ADCY6: variants seen among roughly 807,000 people sequenced by gnomAD.
ADCY6 encodes the protein adenylate cyclase 6.
ADCY6 carries 59 observed loss-of-function variants against 111.6 expected under a neutral mutation model. The ratio of observed to expected loss-of-function variants is 0.53; its 90% CI spans 0.43 to 0.66. The LOEUF (loss-of-function observed/expected upper bound fraction) is 0.66, where lower values mean the gene tolerates loss of function less well. Among genes scored for constraint, ADCY6 ranks in the 30% least tolerant of loss-of-function variants. The pLI is 0.00. For missense variants in ADCY6, 1,242 were observed against 1,595.6 expected, an observed-to-expected ratio of 0.78 and a Z score of 3.78; for synonymous variants, 576 against 642.9, an observed-to-expected ratio of 0.90 and a Z score of 1.57.
rs1941628440 is a variant in ADCY6 at position 48,774,109 on chromosome 12, G to A, written c.2284-11C>T. 9 of 1,602,464 alleles carry A rather than the reference G, an allele frequency of 5.6e-6. No individual in the cohort carries two copies. The highest frequency in any genetic ancestry group is 7.7e-6 in the Non-Finnish European group (9 of 1,173,672). ...GTGGTTACAGGTGAACTGCAAAAGT[G>A]GAGGGGTATATCAGGGTAACCAAGG... On this transcript the variant is annotated splice_polypyrimidine_tract_variant and intron_variant, in intron 14 of 21. Transcript: ENST00000357869.
At position 48,780,597 on chromosome 12, in the gene ADCY6, C is replaced by A. The variant is rs182610622; in HGVS notation, c.864+1974G>T. ...CCTGGGGAGACGGGCACAGTCCTGG[C>A]CTCCCTGGGACTGCACCTCCCCAGT... On this transcript the variant is annotated intron_variant, in intron 2 of 21. Coordinates refer to ENST00000357869, the MANE Select transcript of ADCY6 (RefSeq NM_015270.5). 8.7e-4 allele frequency among the ~76,000 whole-genome samples: 133 copies of A among 152,320 alleles called. 1 individual carries two copies. The highest frequency in any genetic ancestry group is 3.0e-3 in the African/African-American group (125 of 41,554).
chr12:48,787,014 C>A (rs889893485), intron 1 of ADCY6, among the ~76,000 whole-genome samples: 2 of 152,208 alleles, frequency 1.3e-5, no homozygotes, highest in East Asian at 1.9e-4. Flanking sequence ...AAACCCAAAC[C>A]TCTGTCATCG....
rs1262682173 is a variant in ADCY6, at chr12:48,778,044, TCCA to T, written c.1014+61_1014+63del. ...GCACGGAACTGGACAAGGCAGCAGA[TCCA>T]ATGTGCAAGTTATTTGGGGGTAAGG... On this transcript the variant is annotated intron_variant, in intron 3 of 21. Transcript: ENST00000357869. The T allele has an allele frequency of 2.1e-5, 33 of 1,550,158 alleles. No homozygotes were observed. In the Admixed American group the frequency reaches 3.7e-4, roughly 17 times the overall value.
chr12:48,784,665 G>GTTGTTTTTTTTT (rs1941942783), intron 1 of ADCY6, among the ~76,000 whole-genome samples: 1 of 72,294 alleles, frequency 1.4e-5, no homozygotes, highest in African/African-American at 6.1e-5. Flanking sequence ...AAAATCTGGA[G>GTTGTTTTTTTTT]TTTTTTTTTT....
intron 14 of ADCY6, 131 bp from the exon 15 acceptor site, chr12:48,774,229 G>A: frequency 1.9e-6 from 2 of 1,074,882 alleles, no homozygotes; most frequent in South Asian, 3.0e-5. Flanking sequence ...TACTCACTCA[G>A]GGATGACAAG....
Position 48,770,763 on chromosome 12 carries a change from T to C in ADCY6, c.3256+3A>G. Reference sequence around the variant, plus strand: ...AACCCGCCAAGCAACAAAGCCCTCTTACCAATCTTCATCTGGAAATTGTTG... The same window carrying C: ...AACCCGCCAAGCAACAAAGCCCTCTCACCAATCTTCATCTGGAAATTGTTG... On this transcript the variant is annotated splice_donor_region_variant and intron_variant, in intron 20 of 21. Coordinates refer to ENST00000357869, the MANE Select transcript of ADCY6 (RefSeq NM_015270.5). 3 of 1,613,708 alleles carry C rather than the reference T, an allele frequency of 1.9e-6. No individual in the cohort carries two copies. The highest frequency in any genetic ancestry group is 1.7e-5 in the Admixed American group (1 of 60,036).
intron 15 of ADCY6, 34 bp downstream of exon 15, chr12:48,773,906 C>T: frequency 6.2e-7 from 1 of 1,607,844 alleles, no homozygotes; most frequent in East Asian, 2.2e-5. Flanking sequence ...TGTGCCAGGA[C>T]AGCCCCCCCA....
chr12:48,784,107 G>C (rs1941927358), intron 1 of ADCY6: 1 of 154,326 alleles, frequency 6.5e-6, no homozygotes, highest in Non-Finnish European at 1.4e-5. Context: ...AGCCTGGTGT[G>C]GTGGTATGCA....
intron 1 of ADCY6, among the ~76,000 whole-genome samples, chr12:48,786,570 C>T (rs192458188): frequency 6.6e-6 from 1 of 152,242 alleles, no homozygotes; most frequent in African/African-American, 2.4e-5. Flanking sequence ...ACCATGTTGG[C>T]CAGGCTGGTC....
chr12:48,776,123 GA>G lies in ADCY6; in HGVS notation c.1678-33del. The G allele has an allele frequency of 6.2e-7, 1 of 1,613,850 alleles. No homozygotes were observed. The highest frequency in any genetic ancestry group is 1.1e-5 in the South Asian group (1 of 91,056). On this transcript the variant is annotated intron_variant, in intron 8 of 21. Transcript: ENST00000357869. The surrounding 1 kb of genome is among the most constrained non-coding windows in gnomAD (Gnocchi z 6.1). ...GGGCAGCATGGGTACAGGCTCAGAAGAGGGGCCCAGAGGAGGCCTTGGCCTG... is the reference window on the plus strand; with the variant it reads ...GGGCAGCATGGGTACAGGCTCAGAAGGGGGCCCAGAGGAGGCCTTGGCCTG...
In ADCY6 at chr12:48,778,007, T is replaced by C. The variant is rs78044067; in HGVS notation, c.1014+101A>G. ...TGTGACGCACAACCCAGGGGAACCATCACACTGTGCTGCACGGAACTGGAC... is the reference window on the plus strand; with the variant it reads ...TGTGACGCACAACCCAGGGGAACCACCACACTGTGCTGCACGGAACTGGAC... On this transcript the variant is annotated intron_variant, in intron 3 of 21. Coordinates refer to ENST00000357869, the MANE Select transcript of ADCY6 (RefSeq NM_015270.5). 4,845 of 1,470,424 alleles carry C rather than the reference T, an allele frequency of 3.3e-3. 148 individuals are homozygous for C. In the African/African-American group the frequency reaches 0.058, roughly 18 times the overall value. The allele number at this position is 1,470,424 out of a possible 1,614,324, so 91.1% of individuals were successfully genotyped here. A position where few individuals can be genotyped will look rare whatever the true frequency, so the allele number is the denominator to read the frequency against.
chr12:48,775,347 G>A lies in ADCY6; in HGVS notation c.1936C>T (p.Arg646Cys), dbSNP rs770749324. 7.9e-5 allele frequency: 128 copies of A among 1,613,890 alleles called. No homozygotes were observed. Among genetic ancestry groups the A allele is most frequent in the Non-Finnish European group, 1.0e-4 (123 of 1,179,998 alleles). The change falls in exon 11 of 22, where the codon CGC becomes TGC. Residue 646 changes from arginine (R) to cysteine (C), a missense_variant. Arg to Cys is a radical substitution (Grantham distance 180). This residue lies in a region of ADCY6 where 375 missense variants were observed against 432.5 expected (regional missense o/e 0.87). Coordinates refer to ENST00000357869, the MANE Select transcript of ADCY6 (RefSeq NM_015270.5). ...SIDQLRKDHVRRFLLTFQRED... is the reference protein window; with the variant it reads ...SIDQLRKDHVCRFLLTFQRED... ...CTCTGGAAGGTGAGCAGAAACCGGC[G>A]CACATGGTCCTTCCGCAGCTGATCA... is the stretch of plus-strand genomic sequence containing the variant.
At chr12:48,787,417 C>G (rs185811076) in intron 1 of ADCY6, among the ~76,000 whole-genome samples, 5 of 152,224 alleles carry the variant, frequency 3.3e-5, no homozygotes, top group Admixed American at 2.0e-4. Flanking sequence ...CTGACCCCCC[C>G]CAAGGGGATA....
rs781460817 is a variant in ADCY6 at position 48,783,189 on chromosome 12, C to T, written c.246G>A (p.Leu82=). The T allele has an allele frequency of 1.2e-6, 2 of 1,607,096 alleles. No individual in the cohort carries two copies. The highest frequency in any genetic ancestry group is 3.3e-5 in the Admixed American group (2 of 60,008). ...AGCCCAGGGCCACTGCCCGCAGCCC[C>T]AGCTCCTTGCCCTTGCCTGGGCCGC... ...RRGGPGKGKE[L]GLRAVALGFE... is the part of the protein sequence containing the mutation. The change falls in exon 2 of 22, where the codon CTG becomes CTA. Residue 82 remains leucine, a synonymous_variant. Coordinates refer to ENST00000357869, the MANE Select transcript of ADCY6 (RefSeq NM_015270.5).
intron 2 of ADCY6, among the ~76,000 whole-genome samples, chr12:48,780,306 G>A (rs1291937750): frequency 6.6e-6 from 1 of 152,176 alleles, no homozygotes; most frequent in Admixed American, 6.5e-5. Context: ...TGAGTGGGTC[G>A]GTAGGGGACA....
intron 2 of ADCY6, among the ~76,000 whole-genome samples, chr12:48,778,632 C>T (rs1565649150): frequency 1.3e-5 from 2 of 152,158 alleles, no homozygotes; most frequent in African/African-American, 4.8e-5. Flanking sequence ...AGGACAGCAC[C>T]CAGGAGACCT....
Position 48,777,441 on chromosome 12 carries a change from T to A in ADCY6, c.1217A>T (p.Glu406Val). 6.2e-7 allele frequency: 1 copy of A among 1,614,180 alleles called. No individual in the cohort carries two copies. The highest frequency in any genetic ancestry group is 8.5e-7 in the Non-Finnish European group (1 of 1,180,034). Residue 406 changes from glutamate to valine, a missense_variant, in exon 5 of 22, where the codon GAG becomes GTG. Transcript: ENST00000357869. The surrounding 1 kb of genome is among the most constrained non-coding windows in gnomAD (Gnocchi z 4.9). ...CAGCTTGTCAAACCGGGCAAAGAGC[T>A]CATTCAGGGTCATGACCAGCTCCTG... ...TAQELVMTLN[E>V]LFARFDKLAA...
At chr12:48,786,387 C>T (rs1408785415) in intron 1 of ADCY6, among the ~76,000 whole-genome samples, 1 of 152,112 alleles carries the variant, frequency 6.6e-6, no homozygotes, top group African/African-American at 2.4e-5. Context: ...TGGTTTAAGA[C>T]GGAGTCTCAC....
Position 48,776,500 on chromosome 12 carries a change from C to T in ADCY6, c.1463G>A (p.Arg488Gln), listed in dbSNP as rs369149680. 130 of 1,613,912 alleles carry T rather than the reference C, an allele frequency of 8.1e-5. No homozygotes were observed. Among genetic ancestry groups the T allele is most frequent in the Non-Finnish European group, 9.8e-5 (116 of 1,180,022 alleles). Residue 488 changes from arginine to glutamine, a missense_variant, in exon 7 of 22, where the codon CGG (arginine) becomes CAG (glutamine). Physicochemically the swap from Arg to Gln is conservative, Grantham distance 43. Around this residue, in one of 4 missense-constraint regions of ADCY6, gnomAD observed 260 missense variants for 414.6 expected, o/e 0.63. Transcript: ENST00000357869. The surrounding 1 kb of genome is among the most constrained non-coding windows in gnomAD (Gnocchi z 6.1). ...GGACCACACATCGAACTGCCATTTC[C>T]GCAAGCCAAGGACGCCGCAGTGCAC... ...GRVHCGVLGLRKWQFDVWSND... is the reference protein window; with the variant it reads ...GRVHCGVLGLQKWQFDVWSND...
Sources: allele counts gnomAD v4.1 joint callset (sites outside exome capture counted in the v4.1 genomes callset), GRCh38; gene constraint gnomAD v4.1.1; regional missense constraint gnomAD v4.1.1; non-coding constraint Gnocchi (gnomAD v3.1); transcripts MANE v1.5; gene names NCBI Gene and HGNC (gene_info 2026-07-23, HGNC 2026-07-21).